WDR53: variants seen among roughly 807,000 people sequenced by gnomAD.
WDR53 encodes the protein WD repeat domain 53, also known as WD repeat-containing protein 53.
A neutral mutation model predicts 21.3 loss-of-function variants in WDR53; 19 were observed. That is an observed-to-expected ratio of 0.89 (90% CI 0.62 to 1.31). WDR53 has a LOEUF of 1.31. WDR53 is among the 50% of genes most tolerant of loss of function. The pLI is 0.00. For missense variants in WDR53, 374 were observed against 423.2 expected (o/e 0.88, Z 1.02); for synonymous variants, 157 against 163.4 (o/e 0.96, Z 0.30).
At chr3:196,566,728 A>G (rs1182088560) in intron 2 of WDR53, 149 bp downstream of exon 2, 1 of 153,486 alleles carries the variant, frequency 6.5e-6, no homozygotes, top group Non-Finnish European at 1.4e-5. Flanking sequence ...GCATTTTTTA[A>G]AAGGGTGAAG....
In WDR53 at chr3:196,554,524, A is replaced by G. The variant is rs1734147912; in HGVS notation, c.764T>C (p.Leu255Ser). ...SQVCFLPESY[L>S]LLTGGNDGKI... ...CCCATCATTCCCTCCAGTAAGCAGCAAATAGGATTCTGGGAGAAAGCAGAC... is the reference window on the plus strand; with the variant it reads ...CCCATCATTCCCTCCAGTAAGCAGCGAATAGGATTCTGGGAGAAAGCAGAC... Residue 255 changes from leucine (L) to serine (S), a missense_variant, in exon 4 of 4, where the codon TTG becomes TCG. Leu to Ser is a moderately radical substitution (Grantham distance 145). Transcript: ENST00000332629. The G allele has an allele frequency of 1.2e-6, 2 of 1,614,162 alleles. No individual in the cohort carries two copies. Among genetic ancestry groups the G allele is most frequent in the East Asian group, 4.5e-5 (2 of 44,890 alleles).
In WDR53 at chr3:196,555,135, T is replaced by A. The variant is rs182001948; in HGVS notation, c.481-328A>T. Reference sequence around the variant, plus strand: ...CATCTCTTCAAGTAAAACCAAAGATTATCAAATTTGCTAGTTTTAGTCTAT... The same window carrying A: ...CATCTCTTCAAGTAAAACCAAAGATAATCAAATTTGCTAGTTTTAGTCTAT... On this transcript the variant is annotated intron_variant, in intron 3 of 3. Transcript: ENST00000332629. 2.0e-3 allele frequency among the ~76,000 whole-genome samples: 299 copies of A among 152,322 alleles called. 3 individuals are homozygous for A. The highest frequency in any genetic ancestry group is 1.3e-3 in the Non-Finnish European group (88 of 68,020).
At chr3:196,560,289 C>T (rs1039069505) in intron 3 of WDR53, among the ~76,000 whole-genome samples, 3 of 149,898 alleles carry the variant, frequency 2.0e-5, no homozygotes, top group Admixed American at 6.7e-5. Context: ...GTTGCCTAGG[C>T]AGGAGTGCAG....
intron 3 of WDR53, among the ~76,000 whole-genome samples, chr3:196,556,947 G>A (rs1275630112): frequency 2.6e-5 from 4 of 152,284 alleles, no homozygotes; most frequent in Admixed American, 1.3e-4. Flanking sequence ...GACTGTTCCT[G>A]TCTGGACATT....
intron 3 of WDR53, among the ~76,000 whole-genome samples, chr3:196,560,245 TTC>T (rs1734698138): frequency 1.7e-5 from 2 of 119,804 alleles, no homozygotes; most frequent in African/African-American, 3.4e-5. Context: ...CCTTTCTTTT[TTC>T]TTTTTTTTTT....
At chr3:196,560,366 C>G (rs532430388) in intron 3 of WDR53, among the ~76,000 whole-genome samples, 1 of 152,174 alleles carries the variant, frequency 6.6e-6, no homozygotes, top group South Asian at 2.1e-4. Flanking sequence ...CTCAGCCTCC[C>G]AAGTAGCTGG....
chr3:196,558,370 C>T (rs1189683387), intron 3 of WDR53, among the ~76,000 whole-genome samples: 1 of 151,990 alleles, frequency 6.6e-6, no homozygotes, highest in Non-Finnish European at 1.5e-5. Flanking sequence ...GCACACCTGG[C>T]TAATTTTCGT....
chr3:196,562,990 G>C (rs754333892), intron 2 of WDR53, among the ~76,000 whole-genome samples: 2 of 152,152 alleles, frequency 1.3e-5, no homozygotes, highest in African/African-American at 2.4e-5. Context: ...GCACCACCAT[G>C]CCTGGCTAAT....
chr3:196,565,750 T>A (rs1306206609), intron 2 of WDR53, among the ~76,000 whole-genome samples: 1 of 152,198 alleles, frequency 6.6e-6, no homozygotes, highest in Non-Finnish European at 1.5e-5. Context: ...AAGAACACTA[T>A]GAAAAAGTTA....
At chr3:196,560,710 CTGTT>C (rs762555867) in intron 3 of WDR53, among the ~76,000 whole-genome samples, 18 of 152,182 alleles carry the variant, frequency 1.2e-4, no homozygotes, top group African/African-American at 4.1e-4. Context: ...TTAGTACTCA[CTGTT>C]TGTTTAAACA....
intron 3 of WDR53, 97 bp from the exon 4 acceptor site, chr3:196,554,904 C>A: frequency 9.9e-7 from 1 of 1,010,020 alleles, no homozygotes; most frequent in Non-Finnish European, 1.5e-6. Flanking sequence ...TTAAAGTAGT[C>A]TGAGAATGAG....
At chr3:196,560,896 G>T in intron 3 of WDR53, 100 bp downstream of exon 3, 1 of 1,461,802 alleles carries the variant, frequency 6.8e-7, no homozygotes, top group Non-Finnish European at 9.2e-7. Flanking sequence ...TATGTTAGTA[G>T]AAAACAGAAA....
chr3:196,567,018 C>G lies in WDR53; in HGVS notation c.-158G>C, dbSNP rs1735467536. On this transcript the variant is annotated 5_prime_UTR_variant, in exon 2 of 4. Transcript: ENST00000332629. The stretch of plus-strand genomic sequence containing the variant: ...GCACTGAGACACGATAAAGGCCAGT[C>G]TTTAAAAACTGAGTGATCTCTAAAC... The G allele has an allele frequency of 2.9e-6, 1 of 346,500 alleles. No individual in the cohort carries two copies. Among genetic ancestry groups the G allele is most frequent in the African/African-American group, 2.2e-5 (1 of 46,418 alleles). 21.5% of individuals were successfully genotyped at this position (346,500 alleles called of 1,614,324 possible). A position where few individuals can be genotyped will look rare whatever the true frequency, so the allele number is the denominator to read the frequency against.
At position 196,554,819 on chromosome 3, in the gene WDR53, A is replaced by G; in HGVS notation, c.481-12T>C. On this transcript the variant is annotated splice_polypyrimidine_tract_variant and intron_variant, in intron 3 of 3. Transcript: ENST00000332629. ...CTCCACAGCATCACCTTTACATAAG[A>G]AGAAATTACACAGTCATACAAAATG... 5 of 1,596,926 alleles carry G rather than the reference A, an allele frequency of 3.1e-6. No individual in the cohort carries two copies. The highest frequency in any genetic ancestry group is 4.3e-6 in the Non-Finnish European group (5 of 1,169,166).
At chr3:196,555,533 G>T (rs527557285) in intron 3 of WDR53, among the ~76,000 whole-genome samples, 2 of 151,518 alleles carry the variant, frequency 1.3e-5, no homozygotes, top group South Asian at 4.2e-4. Flanking sequence ...GGTGCTTTTT[G>T]TTTTTTTTAA....
chr3:196,557,649 T>C (rs928860912), intron 3 of WDR53, among the ~76,000 whole-genome samples: 1 of 152,168 alleles, frequency 6.6e-6, no homozygotes, highest in Admixed American at 6.5e-5. Flanking sequence ...TGTTTTCAGA[T>C]GCAGAAAGGG....
At chr3:196,554,830 C>A (rs1272110393) in intron 3 of WDR53, 23 bp from the exon 4 acceptor site, 1 of 1,583,032 alleles carries the variant, frequency 6.3e-7, no homozygotes, top group East Asian at 2.2e-5. Flanking sequence ...AGAAATTACA[C>A]AGTCATACAA....
chr3:196,562,563 C>T (rs908751056), intron 2 of WDR53, among the ~76,000 whole-genome samples: 40 of 152,204 alleles, frequency 2.6e-4, no homozygotes, highest in African/African-American at 9.4e-4. Context: ...CGCCCGGCTG[C>T]AATGTGTTTT....
Position 196,561,414 on chromosome 3 carries a change from TCTTTA to T in WDR53, c.57_61del (p.Ser19ArgfsTer18). ...CTCTGCTCCAGAAGCCAGCAGCCCT[TCTTTA>T]CTTGCATTCAGGCAGAGGACAGGAG... On this transcript the variant is annotated frameshift_variant, in exon 3 of 4. Coordinates refer to ENST00000332629, the MANE Select transcript of WDR53 (RefSeq NM_182627.3). LOFTEE classifies it high-confidence loss of function. 2 of 1,614,076 alleles carry T rather than the reference TCTTTA, an allele frequency of 1.2e-6. No individual in the cohort carries two copies. The highest frequency in any genetic ancestry group is 8.5e-7 in the Non-Finnish European group (1 of 1,180,006).
Sources: gnomAD v4.1 joint callset for allele counts (sites outside exome capture counted in the v4.1 genomes callset) on GRCh38, gnomAD v4.1.1 for gene constraint, MANE v1.5 for transcripts, NCBI Gene and HGNC (gene_info 2026-07-23, HGNC 2026-07-21) for gene names.